Variants in SGCZ observed in about 807,000 individuals in gnomAD.
The protein encoded by SGCZ is sarcoglycan zeta, also known as zeta-sarcoglycan.
SGCZ carries 40 observed loss-of-function variants against 41.3 expected under a neutral mutation model. The ratio of observed to expected loss-of-function variants is 0.97; its 90% CI spans 0.75 to 1.26. The LOEUF (loss-of-function observed/expected upper bound fraction) is 1.26, where lower values mean the gene tolerates loss of function less well. Among genes scored for constraint, SGCZ ranks in the 50% most tolerant of loss-of-function variants. The pLI, the probability that SGCZ is intolerant of heterozygous loss-of-function variation, is 0.00. For missense variants in SGCZ, 552 were observed against 369.8 expected (o/e 1.49, Z -4.04); for synonymous variants, 206 against 137.5 (o/e 1.50, Z -3.49).
intron 1 of SGCZ, among the ~76,000 whole-genome samples, chr8:14,626,774 G>A (rs1464834222): frequency 6.6e-6 from 1 of 152,138 alleles, no homozygotes; most frequent in Non-Finnish European, 1.5e-5. Context: ...GCCCTCAGAA[G>A]GAACCAAGGC....
intron 1 of SGCZ, among the ~76,000 whole-genome samples, chr8:14,887,046 A>G (rs2130735063): frequency 6.6e-6 from 1 of 152,234 alleles, no homozygotes; most frequent in South Asian, 2.1e-4. Flanking sequence ...ATTTAGTGAG[A>G]TGGGGCAGAT....
intron 1 of SGCZ, among the ~76,000 whole-genome samples, chr8:14,794,326 G>T (rs1402850485): frequency 6.6e-6 from 1 of 152,000 alleles, no homozygotes; most frequent in Non-Finnish European, 1.5e-5. Context: ...ATTCAGTCAT[G>T]AATATCAAGA....
intron 2 of SGCZ, among the ~76,000 whole-genome samples, chr8:14,380,062 T>G (rs962829109): frequency 2.0e-5 from 3 of 152,186 alleles, no homozygotes; most frequent in African/African-American, 7.2e-5. Flanking sequence ...CACTTCTGAC[T>G]ATATTAATAT....
intron 1 of SGCZ, among the ~76,000 whole-genome samples, chr8:15,001,055 C>T (rs1802400268): frequency 6.6e-6 from 1 of 152,192 alleles, no homozygotes; most frequent in South Asian, 2.1e-4. Context: ...ACAACAACGG[C>T]TGAGTGACAC....
intron 1 of SGCZ, among the ~76,000 whole-genome samples, chr8:14,849,864 G>A (rs1418909340): frequency 2.0e-5 from 3 of 152,222 alleles, no homozygotes; most frequent in East Asian, 1.9e-4. Flanking sequence ...TACTATCTAC[G>A]ATAGAAACTT....
intron 1 of SGCZ, among the ~76,000 whole-genome samples, chr8:15,149,564 T>A (rs1189402279): frequency 6.6e-6 from 1 of 152,162 alleles, no homozygotes; most frequent in Non-Finnish European, 1.5e-5. Flanking sequence ...GCTTTAAGGA[T>A]GGAATTTTCA....
intron 1 of SGCZ, among the ~76,000 whole-genome samples, chr8:15,174,930 CA>C (rs1314648794): frequency 1.3e-5 from 2 of 151,374 alleles, no homozygotes; most frequent in Non-Finnish European, 2.9e-5. Context: ...TCATGGAAAA[CA>C]GTGTGGCGAT....
intron 2 of SGCZ, among the ~76,000 whole-genome samples, chr8:14,397,574 G>A (rs1798955404): frequency 6.6e-6 from 1 of 152,000 alleles, no homozygotes; most frequent in Non-Finnish European, 1.5e-5. Flanking sequence ...TATAATACAT[G>A]GTAAAGCAGT....
intron 1 of SGCZ, among the ~76,000 whole-genome samples, chr8:14,630,024 T>A: frequency 6.6e-6 from 1 of 152,120 alleles, no homozygotes; most frequent in East Asian, 1.9e-4. Flanking sequence ...CTTTGTATTA[T>A]CTCAGATATA....
At chr8:14,260,347 T>C (rs1189606358) in intron 3 of SGCZ, among the ~76,000 whole-genome samples, 2 of 149,886 alleles carry the variant, frequency 1.3e-5, no homozygotes, top group Admixed American at 1.3e-4. Context: ...CATGAAACAA[T>C]GCTCATCATC....
intron 1 of SGCZ, among the ~76,000 whole-genome samples, chr8:15,203,398 C>T (rs548452701): frequency 3.3e-5 from 5 of 152,214 alleles, no homozygotes; most frequent in South Asian, 2.1e-4. Context: ...GTACAAACCC[C>T]GTGAGGCCAC....
intron 1 of SGCZ, among the ~76,000 whole-genome samples, chr8:14,842,737 G>A (rs1350765391): frequency 6.6e-6 from 1 of 152,150 alleles, no homozygotes; most frequent in East Asian, 1.9e-4. Context: ...TACTTGAAAA[G>A]ATTACCATGC....
At chr8:15,035,993 G>A (rs951231517) in intron 1 of SGCZ, among the ~76,000 whole-genome samples, 2 of 151,684 alleles carry the variant, frequency 1.3e-5, no homozygotes, top group Non-Finnish European at 2.9e-5. Flanking sequence ...CAACATTAAA[G>A]ATCAGAGCAG....
At chr8:15,208,909 A>AGAGC (rs1182294211) in intron 1 of SGCZ, among the ~76,000 whole-genome samples, 1 of 150,496 alleles carries the variant, frequency 6.6e-6, no homozygotes, top group Non-Finnish European at 1.5e-5. Context: ...ATATAGAGAG[A>AGAGC]GAGAGAGAGA....
intron 1 of SGCZ, among the ~76,000 whole-genome samples, chr8:14,925,862 T>C (rs1402176818): frequency 3.8e-5 from 5 of 131,770 alleles, no homozygotes; most frequent in Admixed American, 3.7e-4. Flanking sequence ...CTTGGGAATT[T>C]AGAAAAAAAA....
chr8:14,357,977 T>A (rs1289337029), intron 2 of SGCZ, among the ~76,000 whole-genome samples: 1 of 152,224 alleles, frequency 6.6e-6, no homozygotes, highest in Non-Finnish European at 1.5e-5. Flanking sequence ...GAAATCAATA[T>A]TCTGCCAACA....
At chr8:14,434,646 G>A (rs1198705794) in intron 2 of SGCZ, among the ~76,000 whole-genome samples, 3 of 152,158 alleles carry the variant, frequency 2.0e-5, no homozygotes, top group Non-Finnish European at 4.4e-5. Context: ...ATGTCTTTCA[G>A]CAGTGTTTTG....
At chr8:14,330,694 C>T (rs945029444) in intron 2 of SGCZ, among the ~76,000 whole-genome samples, 4 of 151,830 alleles carry the variant, frequency 2.6e-5, no homozygotes, top group South Asian at 2.1e-4. Context: ...TAATTCACTC[C>T]CTCCTCTTGA....
intron 2 of SGCZ, among the ~76,000 whole-genome samples, chr8:14,382,047 G>C (rs1275804063): frequency 1.3e-5 from 2 of 152,086 alleles, no homozygotes; most frequent in African/African-American, 4.8e-5. Context: ...GAAATTTATT[G>C]TAAAGAGTAT....
Sources: gnomAD v4.1 joint callset for allele counts (sites outside exome capture counted in the v4.1 genomes callset) on GRCh38, gnomAD v4.1.1 for gene constraint, MANE v1.5 for transcripts, NCBI Gene and HGNC (gene_info 2026-07-23, HGNC 2026-07-21) for gene names.